The following IFT57 variants were observed in gnomAD, a reference collection of about 807,000 sequenced individuals.
IFT57 encodes intraflagellar transport protein 57 homolog.
Under a neutral mutation model 56.8 loss-of-function variants are expected in IFT57, and 59 were observed. The observed-to-expected ratio is 1.04, with a 90% CI of 0.84 to 1.29. The LOEUF is 1.29. Ranked by LOEUF, IFT57 falls within the 50% of genes most tolerant of loss-of-function variation. IFT57 has a pLI of 0.00. For missense variants in IFT57, 470 were observed against 522.1 expected, an observed-to-expected ratio of 0.90 and a Z score of 0.97; for synonymous variants, 209 against 186.1, an observed-to-expected ratio of 1.12 and a Z score of -1.00.
intron 6 of IFT57, among the ~76,000 whole-genome samples, chr3:108,188,002 G>T (rs919027422): frequency 2.0e-5 from 3 of 148,642 alleles, no homozygotes; most frequent in Non-Finnish European, 4.5e-5. Flanking sequence ...GGTTTGTTAC[G>T]TATGTAGCAT....
chr3:108,190,776 CTTGA>C (rs983339503), intron 6 of IFT57, among the ~76,000 whole-genome samples: 15 of 152,058 alleles, frequency 9.9e-5, no homozygotes, highest in African/African-American at 3.4e-4. Context: ...AATATGACTT[CTTGA>C]TTATTTTCTT....
In IFT57 at chr3:108,206,682, A is replaced by T. The variant is rs758727179; in HGVS notation, c.600T>A (p.Asp200Glu). The T allele has an allele frequency of 3.8e-6, 5 of 1,316,530 alleles. No individual in the cohort carries two copies. Among genetic ancestry groups the T allele is most frequent in the Middle Eastern group, 2.0e-4 (1 of 5,070 alleles). The allele number at this position is 1,316,530 out of a possible 1,614,324, so 81.6% of individuals were successfully genotyped here. A position where few individuals can be genotyped will look rare whatever the true frequency, so the allele number is the denominator to read the frequency against. Reference sequence around the variant, plus strand: ...TGAGATCAATAAAGTTTTCTTCATTATCTGTCTCTTCTTCCTTAGAAAATA... The same window carrying T: ...TGAGATCAATAAAGTTTTCTTCATTTTCTGTCTCTTCTTCCTTAGAAAATA... Reference protein sequence around the residue: ...VDEEFVEEETDNEENFIDLNV... With the variant: ...VDEEFVEEETENEENFIDLNV... Residue 200 changes from aspartate (D) to glutamate (E), a missense_variant, in exon 5 of 11, where the codon GAT becomes GAA. Physicochemically the swap from Asp to Glu is conservative, Grantham distance 45 (BLOSUM62 2). Coordinates refer to ENST00000264538, the MANE Select transcript of IFT57 (RefSeq NM_018010.4).
Position 108,206,650 on chromosome 3 carries a change from A to C in IFT57, c.632T>G (p.Leu211Ter), listed in dbSNP as rs762038629. Residue 211 changes from leucine to a stop codon, truncating the protein, a stop_gained, in exon 5 of 11, where the codon TTA becomes TGA. Transcript: ENST00000264538. LOFTEE classifies it high-confidence loss of function. Reference sequence around the variant, plus strand: ...TACCAAGTGATATGTCTGGGCCTTTAAAACGTTGAGATCAATAAAGTTTTC... The same window carrying C: ...TACCAAGTGATATGTCTGGGCCTTTCAAACGTTGAGATCAATAAAGTTTTC... ...NEENFIDLNV[L>*]KAQTYHLDMN... 7.1e-7 allele frequency: 1 copy of C among 1,400,374 alleles called. No individual in the cohort carries two copies. Among genetic ancestry groups the C allele is most frequent in the South Asian group, 1.9e-5 (1 of 51,530 alleles). 86.7% of individuals were successfully genotyped at this position (1,400,374 alleles called of 1,614,324 possible). A position where few individuals can be genotyped will look rare whatever the true frequency, so the allele number is the denominator to read the frequency against.
Position 108,167,869 on chromosome 3 carries a change from A to C in IFT57, c.778-5T>G. 1 of 1,580,242 alleles carries C rather than the reference A, an allele frequency of 6.3e-7. No individual in the cohort carries two copies. The highest frequency in any genetic ancestry group is 8.6e-7 in the Non-Finnish European group (1 of 1,162,938). On this transcript the variant is annotated splice_polypyrimidine_tract_variant and splice_region_variant and intron_variant, in intron 6 of 10. Transcript: ENST00000264538. ...GTCAACATGGATTCTCCAATCCTAC[A>C]GGCATAGAGCACATAGAAATAATGT...
chr3:108,206,996 T>C (rs1159621734), intron 4 of IFT57, among the ~76,000 whole-genome samples: 1 of 152,060 alleles, frequency 6.6e-6, no homozygotes, highest in East Asian at 1.9e-4. Flanking sequence ...GAACTACAGA[T>C]AAATATAAAA....
intron 6 of IFT57, among the ~76,000 whole-genome samples, chr3:108,169,073 G>T (rs1424515591): frequency 6.6e-6 from 1 of 151,970 alleles, no homozygotes; most frequent in African/African-American, 2.4e-5. Context: ...TTGCCACATT[G>T]TCTTCCACAA....
At position 108,219,541 on chromosome 3, in the gene IFT57, C is replaced by G. The variant is rs548451697; in HGVS notation, c.244G>C (p.Glu82Gln). The G allele has an allele frequency of 1.9e-6, 3 of 1,613,796 alleles. No individual in the cohort carries two copies. In the African/African-American group the frequency reaches 4.0e-5, roughly 22 times the overall value. Residue 82 changes from glutamate (E) to glutamine (Q), a missense_variant, in exon 2 of 11, where the codon GAA becomes CAA. Coordinates refer to ENST00000264538, the MANE Select transcript of IFT57 (RefSeq NM_018010.4). ...HYFALPTNPG[E>Q]QFYMFCTLAA... Reference sequence around the variant, plus strand: ...AGAGTACAAAACATGTAGAACTGTTCGCCAGGGTTGGTAGGCAGTGCAAAA... The same window carrying G: ...AGAGTACAAAACATGTAGAACTGTTGGCCAGGGTTGGTAGGCAGTGCAAAA...
chr3:108,174,918 T>C (rs2080115736), intron 6 of IFT57, among the ~76,000 whole-genome samples: 1 of 151,804 alleles, frequency 6.6e-6, no homozygotes, highest in East Asian at 1.9e-4. Flanking sequence ...GCCACTGTGA[T>C]TTGGGGGTTG....
intron 4 of IFT57, among the ~76,000 whole-genome samples, chr3:108,212,076 G>T (rs2080344986): frequency 6.6e-6 from 1 of 152,028 alleles, no homozygotes; most frequent in Admixed American, 6.6e-5. Context: ...TCAAACTCTT[G>T]GGCTCAAGCG....
chr3:108,165,025 A>ACC (rs1477932344), intron 9 of IFT57, among the ~76,000 whole-genome samples: 2 of 152,118 alleles, frequency 1.3e-5, no homozygotes, highest in African/African-American at 4.8e-5. Flanking sequence ...AGAGAAATAC[A>ACC]CCCAGGATCA....
At chr3:108,210,114 C>T (rs1433445488) in intron 4 of IFT57, among the ~76,000 whole-genome samples, 1 of 152,022 alleles carries the variant, frequency 6.6e-6, no homozygotes, top group Admixed American at 6.6e-5. Context: ...AGAAGGCACT[C>T]AAAAATTTCC....
intron 5 of IFT57, among the ~76,000 whole-genome samples, chr3:108,196,814 T>G (rs2080247047): frequency 6.6e-6 from 1 of 152,220 alleles, no homozygotes; most frequent in Non-Finnish European, 1.5e-5. Context: ...TCTACATCCA[T>G]GTTTGCATAT....
chr3:108,213,153 A>G lies in IFT57; in HGVS notation c.585+778T>C, dbSNP rs141646864. 4.2e-3 allele frequency among the ~76,000 whole-genome samples: 640 copies of G among 152,226 alleles called. 6 individuals are homozygous for G. The highest frequency in any genetic ancestry group is 0.014 in the African/African-American group (598 of 41,534). ...TAGACAAAATATGTGTTAACTCTTT[A>G]TGTTATTGGTAAGGCTTCAAGTCAA... On this transcript the variant is annotated intron_variant, in intron 4 of 10. Coordinates refer to ENST00000264538, the MANE Select transcript of IFT57 (RefSeq NM_018010.4).
In IFT57 at chr3:108,162,353, TGTGA is replaced by T. The variant is rs1284385987; in HGVS notation, c.*120_*123del. On this transcript the variant is annotated 3_prime_UTR_variant, in exon 11 of 11. Transcript: ENST00000264538. ...CCATCATAATCACCATGATATAATA[TGTGA>T]GTATGTATATGTAAAAAAATACCCA... The T allele has an allele frequency of 3.3e-5, 21 of 627,358 alleles. No individual in the cohort carries two copies. The highest frequency in any genetic ancestry group is 4.9e-5 in the Non-Finnish European group (18 of 369,544). The allele number at this position is 627,358 out of a possible 1,614,324, so 38.9% of individuals were successfully genotyped here. A position where few individuals can be genotyped will look rare whatever the true frequency, so the allele number is the denominator to read the frequency against.
Position 108,222,338 on chromosome 3 carries a change from G to A in IFT57, c.-16C>T, listed in dbSNP as rs1358918982. ...CAGCAGTCATCGCAGAACGGACAGA[G>A]TCCAGCGTGGGCTCAGGCCCACAGA... On this transcript the variant is annotated 5_prime_UTR_variant, in exon 1 of 11. Transcript: ENST00000264538. The A allele has an allele frequency of 1.3e-6, 2 of 1,594,798 alleles. No homozygotes were observed. The highest frequency in any genetic ancestry group is 1.1e-5 in the South Asian group (1 of 88,298).
chr3:108,198,528 G>A (rs1262497595), intron 5 of IFT57, among the ~76,000 whole-genome samples: 4 of 151,984 alleles, frequency 2.6e-5, no homozygotes, highest in Admixed American at 6.6e-5. Context: ...TGCAGCCTCC[G>A]CCTCCAGGGT....
chr3:108,171,149 A>C (rs927351101), intron 6 of IFT57, among the ~76,000 whole-genome samples: 1 of 151,852 alleles, frequency 6.6e-6, no homozygotes, highest in Admixed American at 6.6e-5. Flanking sequence ...ACTGCAGGGT[A>C]AGAAACTGCT....
chr3:108,169,473 G>T (rs1487138161), intron 6 of IFT57, among the ~76,000 whole-genome samples: 2 of 151,960 alleles, frequency 1.3e-5, no homozygotes, highest in African/African-American at 2.4e-5. Context: ...TTGCTGTGCA[G>T]AAGCTCTTTA....
chr3:108,203,210 C>CT (rs1360334508), intron 5 of IFT57, among the ~76,000 whole-genome samples: 2 of 152,222 alleles, frequency 1.3e-5, no homozygotes, highest in African/African-American at 4.8e-5. Flanking sequence ...GTTGGCCAAT[C>CT]TTTGTCAGGC....
Sources: gnomAD v4.1 joint callset for allele counts (sites outside exome capture counted in the v4.1 genomes callset) on GRCh38, gnomAD v4.1.1 for gene constraint, MANE v1.5 for transcripts, NCBI Gene and HGNC (gene_info 2026-07-23, HGNC 2026-07-21) for gene names.